TULP4: variants seen among roughly 807,000 people sequenced by gnomAD.
TULP4 encodes TUB like protein 4, also known as tubby-related protein 4.
A neutral mutation model predicts 129.0 loss-of-function variants in TULP4; 16 were observed. The observed-to-expected ratio is 0.12, with a 90% CI of 0.08 to 0.19. The LOEUF (loss-of-function observed/expected upper bound fraction) is 0.19, where lower values mean the gene tolerates loss of function less well. Ranked by LOEUF, TULP4 falls within the 10% of genes least tolerant of loss-of-function variation. TULP4 has a pLI of 1.00. For missense variants in TULP4, 1,842 were observed against 2,059.1 expected (o/e 0.89, Z 2.04); for synonymous variants, 998 against 854.0 (o/e 1.17, Z -2.94).
At chr6:158,239,762 A>G (rs79391490) in intron 1 of TULP4, among the ~76,000 whole-genome samples, 59 of 47,792 alleles carry the variant, frequency 1.2e-3, no homozygotes, top group South Asian at 2.0e-3. Context: ...GGCCGGGCGG[A>G]GGGCTGACCC....
Position 158,461,723 on chromosome 6 carries a change from C to T in TULP4, c.1020C>T (p.Leu340=), listed in dbSNP as rs147584372. Residue 340 remains leucine, a synonymous_variant, in exon 6 of 14, where the codon CTC becomes CTT. Transcript: ENST00000367097. ...AGCACATCTTCACACTGGACACTCT[C>T]GTGCAGGTAAGGATGTTCTCTGGAA... The part of the protein sequence containing the change: ...RGEHIFTLDT[L]VQRPIISICW... 19 of 1,613,884 alleles carry T rather than the reference C, an allele frequency of 1.2e-5. 1 individual carries two copies. The South Asian group carries it at 1.2e-4, about 10-fold the overall frequency.
chr6:158,451,521 T>C (rs1200958881), intron 4 of TULP4, among the ~76,000 whole-genome samples: 1 of 152,214 alleles, frequency 6.6e-6, no homozygotes, highest in Non-Finnish European at 1.5e-5. Flanking sequence ...TGGTCCATCA[T>C]GGCCCCTTCC....
At chr6:158,235,092 G>C (rs577851018) in intron 1 of TULP4, among the ~76,000 whole-genome samples, 1 of 152,154 alleles carries the variant, frequency 6.6e-6, no homozygotes, top group South Asian at 2.1e-4. Context: ...GCTTGAACCC[G>C]GGAGGCTGAG....
chr6:158,387,672 C>T (rs1310396565), intron 1 of TULP4, among the ~76,000 whole-genome samples: 5 of 152,110 alleles, frequency 3.3e-5, no homozygotes, highest in Non-Finnish European at 5.9e-5. Context: ...TTTGCATGTG[C>T]GTGCACACAC....
chr6:158,453,240 G>A (rs1203023797), intron 5 of TULP4, among the ~76,000 whole-genome samples: 1 of 152,028 alleles, frequency 6.6e-6, no homozygotes, highest in Non-Finnish European at 1.5e-5. Flanking sequence ...GGCCAAGGCA[G>A]GTGGATCACA....
intron 1 of TULP4, among the ~76,000 whole-genome samples, chr6:158,253,419 C>G (rs1314165995): frequency 6.6e-6 from 1 of 152,150 alleles, no homozygotes; most frequent in Non-Finnish European, 1.5e-5. Context: ...TAAGTGGAGA[C>G]AGATGGACAA....
At chr6:158,454,028 C>G (rs865922779) in intron 5 of TULP4, among the ~76,000 whole-genome samples, 3 of 148,946 alleles carry the variant, frequency 2.0e-5, no homozygotes, top group South Asian at 2.2e-4. Flanking sequence ...ACCGCCCCCC[C>G]CCAAGTAATT....
intron 1 of TULP4, among the ~76,000 whole-genome samples, chr6:158,253,497 C>G (rs1778183195): frequency 6.6e-6 from 1 of 152,128 alleles, no homozygotes; most frequent in Non-Finnish European, 1.5e-5. Context: ...GGCTTCATGT[C>G]AGGTGGGCTA....
At chr6:158,431,654 C>T (rs1290411588) in intron 3 of TULP4, among the ~76,000 whole-genome samples, 1 of 152,080 alleles carries the variant, frequency 6.6e-6, no homozygotes, top group African/African-American at 2.4e-5. Flanking sequence ...ACTCCCAAGT[C>T]GAATCTGGGG....
At chr6:158,474,189 G>A (rs941986328) in intron 6 of TULP4, among the ~76,000 whole-genome samples, 11 of 152,196 alleles carry the variant, frequency 7.2e-5, no homozygotes, top group African/African-American at 2.4e-4. Flanking sequence ...ATCCTACTAG[G>A]TGCATTTTCT....
At chr6:158,365,026 C>T (rs941624028) in intron 1 of TULP4, among the ~76,000 whole-genome samples, 6 of 151,922 alleles carry the variant, frequency 3.9e-5, no homozygotes, top group East Asian at 1.9e-4. Flanking sequence ...TGAGCCACCG[C>T]GCCCAGCCCC....
At chr6:158,342,973 G>A (rs1004314968) in intron 1 of TULP4, among the ~76,000 whole-genome samples, 9 of 93,542 alleles carry the variant, frequency 9.6e-5, no homozygotes, top group African/African-American at 1.7e-4. Context: ...GTGTGTGTGT[G>A]TGTGTGTGTG....
intron 1 of TULP4, among the ~76,000 whole-genome samples, chr6:158,272,967 G>T (rs565076516): frequency 1.3e-5 from 2 of 152,308 alleles, no homozygotes; most frequent in East Asian, 3.9e-4. Context: ...ACCTGGCTTT[G>T]GGAATCTGGT....
intron 1 of TULP4, among the ~76,000 whole-genome samples, chr6:158,347,788 C>T (rs1231096652): frequency 2.0e-5 from 3 of 152,226 alleles, no homozygotes; most frequent in East Asian, 3.8e-4. Context: ...TCCCTGACTG[C>T]ATCACAAGTT....
At chr6:158,278,511 TA>T (rs1778685665), upstream of TULP4, among the ~76,000 whole-genome samples, 1 of 152,186 alleles carries the variant, frequency 6.6e-6, no homozygotes, top group Non-Finnish European at 1.5e-5. Context: ...TCGAAAAGCT[TA>T]ATTTTCAATA....
chr6:158,371,423 T>G (rs758535492), intron 1 of TULP4, among the ~76,000 whole-genome samples: 8 of 152,196 alleles, frequency 5.3e-5, no homozygotes, highest in Non-Finnish European at 1.0e-4. Flanking sequence ...TTCTGTCATA[T>G]GTGTTAGAAA....
At chr6:158,474,531 C>T (rs1292686695) in intron 6 of TULP4, among the ~76,000 whole-genome samples, 1 of 152,196 alleles carries the variant, frequency 6.6e-6, no homozygotes, top group African/African-American at 2.4e-5. Flanking sequence ...CAGGCCTCTG[C>T]TCAAACCACC....
intron 6 of TULP4, among the ~76,000 whole-genome samples, chr6:158,471,565 G>A (rs1779682983): frequency 6.6e-6 from 1 of 152,192 alleles, no homozygotes; most frequent in Admixed American, 6.5e-5. Context: ...GGTTGGATAG[G>A]GACTTTAAAT....
At chr6:158,265,932 G>A (rs549406571) in intron 1 of TULP4, among the ~76,000 whole-genome samples, 1 of 152,244 alleles carries the variant, frequency 6.6e-6, no homozygotes, top group African/African-American at 2.4e-5. Flanking sequence ...AGGGAGCTTC[G>A]TGGTTATAGC....
Sources: allele counts gnomAD v4.1 joint callset (sites outside exome capture counted in the v4.1 genomes callset), GRCh38; gene constraint gnomAD v4.1.1; transcripts MANE v1.5; gene names NCBI Gene and HGNC (gene_info 2026-07-23, HGNC 2026-07-21).